The following POLN variants were observed in gnomAD, a reference collection of about 807,000 sequenced individuals.
POLN encodes DNA polymerase N.
Under a neutral mutation model 113.5 loss-of-function variants are expected in POLN, and 108 were observed. The ratio of observed to expected loss-of-function variants is 0.95; its 90% CI spans 0.81 to 1.12. The LOEUF (loss-of-function observed/expected upper bound fraction) is 1.12, where lower values mean the gene tolerates loss of function less well. Among genes scored for constraint, POLN ranks in the 50% most tolerant of loss-of-function variants. The pLI is 0.00. For missense variants in POLN, 1,097 were observed against 1,077.1 expected (o/e 1.02, Z -0.26); for synonymous variants, 386 against 391.5 (o/e 0.99, Z 0.17).
chr4:2,179,607 C>A (rs1393091264), intron 7 of POLN, 142 bp from the exon 8 acceptor site: 4 of 876,262 alleles, frequency 4.6e-6, no homozygotes, highest in Admixed American at 5.7e-5. Flanking sequence ...AAGTGACTTT[C>A]CATTATTCTC....
At chr4:2,095,683 G>T (rs772623294) in intron 20 of POLN, among the ~76,000 whole-genome samples, 168 bp downstream of exon 20, 4 of 152,186 alleles carry the variant, frequency 2.6e-5, no homozygotes, top group Non-Finnish European at 5.9e-5. Flanking sequence ...AGCAGGTCAA[G>T]GCATGGGGTG....
At position 2,107,871 on chromosome 4, in the gene POLN, T is replaced by C. The variant is rs115385785; in HGVS notation, c.1983-11938A>G. 8.2e-3 allele frequency among the ~76,000 whole-genome samples: 1,245 copies of C among 152,258 alleles called. 23 individuals are homozygous for C. The highest frequency in any genetic ancestry group is 0.028 in the African/African-American group (1,151 of 41,534). ...CTACAATGACCATAACAGCCACATA[T>C]TGCCAATGATGGACACATCAACCAC... On this transcript the variant is annotated intron_variant, in intron 19 of 25. Coordinates refer to ENST00000511885, the MANE Select transcript of POLN (RefSeq NM_181808.4).
chr4:2,220,110 T>C (rs1213335103), intron 3 of POLN, among the ~76,000 whole-genome samples: 2 of 152,132 alleles, frequency 1.3e-5, no homozygotes, highest in African/African-American at 4.8e-5. Flanking sequence ...AATTCGCCTC[T>C]CAGCTACAAA....
intron 9 of POLN, among the ~76,000 whole-genome samples, chr4:2,175,874 G>A (rs1732982225): frequency 6.6e-6 from 1 of 152,070 alleles, no homozygotes; most frequent in Admixed American, 6.5e-5. Flanking sequence ...CCTGGCCTCT[G>A]GACACAGTCC....
At chr4:2,171,230 T>C in intron 11 of POLN, 49 bp from the exon 12 acceptor site, 1 of 1,529,034 alleles carries the variant, frequency 6.5e-7, no homozygotes, top group Non-Finnish European at 9.0e-7. Context: ...TTTCACAATT[T>C]AAGATTGTTT....
At chr4:2,085,589 G>A (rs373081820) in intron 21 of POLN, 24 bp downstream of exon 21, 1 of 1,613,076 alleles carries the variant, frequency 6.2e-7, no homozygotes, top group Non-Finnish European at 8.5e-7. Context: ...AGGGAGCAGG[G>A]AGCTCTGGTT....
intron 3 of POLN, among the ~76,000 whole-genome samples, chr4:2,217,524 C>G (rs1227007453): frequency 1.3e-5 from 2 of 152,270 alleles, no homozygotes; most frequent in East Asian, 3.8e-4. Context: ...CTCAGTGGGT[C>G]TGACAGAACC....
chr4:2,224,507 C>A (rs1280116525), intron 3 of POLN, among the ~76,000 whole-genome samples: 6 of 151,980 alleles, frequency 3.9e-5, no homozygotes, highest in Non-Finnish European at 8.8e-5. Flanking sequence ...ATTGTATATA[C>A]AATTATACGT....
intron 16 of POLN, among the ~76,000 whole-genome samples, chr4:2,151,208 T>C (rs971076905): frequency 3.3e-5 from 5 of 152,038 alleles, no homozygotes; most frequent in Non-Finnish European, 7.4e-5. Flanking sequence ...AATTAACACA[T>C]GGAAGGACTC....
At chr4:2,081,565 C>T in intron 22 of POLN, 68 bp downstream of exon 22, 1 of 1,483,648 alleles carries the variant, frequency 6.7e-7, no homozygotes, top group South Asian at 1.2e-5. Flanking sequence ...GGGTGCCACC[C>T]AGCCCTGCGG....
chr4:2,189,121 A>G lies in POLN; in HGVS notation c.1021+4083T>C, dbSNP rs1297029321. ...AAGCTACAAATTAAAAGATACTACC[A>G]GAGAAAATCACTTAACCACAAGTAA... On this transcript the variant is annotated intron_variant, in intron 7 of 25. Coordinates refer to ENST00000511885, the MANE Select transcript of POLN (RefSeq NM_181808.4). 3.3e-5 allele frequency among the ~76,000 whole-genome samples: 5 copies of G among 152,364 alleles called. No homozygotes were observed. In the East Asian group the frequency reaches 9.6e-4, roughly 29 times the overall value.
chr4:2,122,465 AATG>A (rs1731466280), intron 19 of POLN, among the ~76,000 whole-genome samples: 1 of 152,136 alleles, frequency 6.6e-6, no homozygotes, highest in Non-Finnish European at 1.5e-5. Flanking sequence ...ACAGAGAGTA[AATG>A]ATGAGCCCAC....
At chr4:2,230,218 C>T (rs1404292889) in intron 2 of POLN, 3 of 152,376 alleles carry the variant, frequency 2.0e-5, no homozygotes, top group Non-Finnish European at 2.9e-5. Flanking sequence ...TCACTTGAAC[C>T]TGGGAGGCGG....
At chr4:2,180,830 C>T (rs1396555647) in intron 7 of POLN, among the ~76,000 whole-genome samples, 1 of 152,158 alleles carries the variant, frequency 6.6e-6, no homozygotes, top group Non-Finnish European at 1.5e-5. Context: ...ACAAATCCCA[C>T]ACTAGGGAGA....
At chr4:2,204,867 A>G (rs945417766) in intron 5 of POLN, among the ~76,000 whole-genome samples, 1 of 152,226 alleles carries the variant, frequency 6.6e-6, no homozygotes, top group African/African-American at 2.4e-5. Flanking sequence ...AGATACAGAA[A>G]AAGCATTCAA....
chr4:2,133,252 TA>T (rs1291929740), intron 16 of POLN, among the ~76,000 whole-genome samples: 1 of 150,000 alleles, frequency 6.7e-6, no homozygotes, highest in African/African-American at 2.5e-5. Flanking sequence ...TGGAAAACAA[TA>T]TGGAGGTTCC....
chr4:2,080,181 A>T (rs1730371440), intron 23 of POLN: 1 of 986,376 alleles, frequency 1.0e-6, no homozygotes, highest in Non-Finnish European at 1.2e-6. Flanking sequence ...AAGGAGAACG[A>T]GGAGAGGAGG....
rs201688781 is a variant in POLN, at chr4:2,240,595, G to T, written c.-13+925C>A. ...ATCAATTGACATTTATTACGTCGCT[G>T]AATTTTTAGGTTCTTTAATTTCAGT... On this transcript the variant is annotated intron_variant, in intron 2 of 25. Coordinates refer to ENST00000511885, the MANE Select transcript of POLN (RefSeq NM_181808.4). 6.0e-5 allele frequency: 96 copies of T among 1,612,404 alleles called. 1 individual carries two copies. In the Middle Eastern group the frequency reaches 1.2e-3, roughly 19 times the overall value.
chr4:2,194,316 G>A (rs1577760057), intron 6 of POLN, among the ~76,000 whole-genome samples: 1 of 152,266 alleles, frequency 6.6e-6, no homozygotes, highest in South Asian at 2.1e-4. Flanking sequence ...TAGAGCTGAG[G>A]AAGAAAGAAA....
Sources: gnomAD v4.1 joint callset for allele counts (sites outside exome capture counted in the v4.1 genomes callset) on GRCh38, gnomAD v4.1.1 for gene constraint, MANE v1.5 for transcripts, NCBI Gene and HGNC (gene_info 2026-07-23, HGNC 2026-07-21) for gene names.